Variants in DNAH7 observed in about 807,000 individuals in gnomAD.
DNAH7 encodes axonemal beta dynein heavy chain 7.
DNAH7 carries 397 observed loss-of-function variants against 444.6 expected under a neutral mutation model. The ratio of observed to expected loss-of-function variants is 0.89; its 90% CI spans 0.82 to 0.97. DNAH7 has a LOEUF of 0.97. Ranked by LOEUF, DNAH7 falls within the 50% of genes least tolerant of loss-of-function variation. DNAH7 has a pLI of 0.00. For missense variants in DNAH7, 4,902 were observed against 4,800.8 expected (o/e 1.02, Z -0.62); for synonymous variants, 1,636 against 1,624.4 (o/e 1.01, Z -0.17).
At chr2:196,024,147 A>G (rs2125769619) in intron 8 of DNAH7, among the ~76,000 whole-genome samples, 1 of 152,304 alleles carries the variant, frequency 6.6e-6, no homozygotes, top group Admixed American at 6.5e-5. Context: ...CAAAGTGAGC[A>G]CACACTGTTA....
chr2:195,855,912 TA>T lies in DNAH7; in HGVS notation c.8493del (p.Arg2832GlufsTer23). The T allele has an allele frequency of 6.2e-7, 1 of 1,614,088 alleles. No homozygotes were observed. Among genetic ancestry groups the T allele is most frequent in the Non-Finnish European group, 8.5e-7 (1 of 1,179,976 alleles). ...EGELKIAMDG[L>X]RKKQAALKEV... ...TCCTTAAGGGCTGCCTGCTTCTTTC[TA>T]AGACCATCCATGGCAATTTTAAGCT... On this transcript the variant is annotated frameshift_variant, in exon 45 of 65. Transcript: ENST00000312428. LOFTEE classifies it high-confidence loss of function.
Position 195,850,073 on chromosome 2 carries a change from A to G in DNAH7, c.8781+3270T>C, listed in dbSNP as rs145420778. 6.0e-4 allele frequency among the ~76,000 whole-genome samples: 92 copies of G among 152,334 alleles called. 2 individuals are homozygous for G. The Middle Eastern group carries it at 0.01, about 17-fold the overall frequency. On this transcript the variant is annotated intron_variant, in intron 46 of 64. Coordinates refer to ENST00000312428, the MANE Select transcript of DNAH7 (RefSeq NM_018897.3). ...AAGCAATAGTTTCTGCAGAATGCTC[A>G]GCTTAGAGTTGACAGGTATAGTATG...
intron 48 of DNAH7, 59 bp downstream of exon 48, chr2:195,834,147 G>A: frequency 6.6e-7 from 1 of 1,517,738 alleles, no homozygotes; most frequent in Non-Finnish European, 9.0e-7. Flanking sequence ...TACAGTTTTG[G>A]GTTAATTGTG....
intron 58 of DNAH7, among the ~76,000 whole-genome samples, chr2:195,781,170 C>T (rs1163478186): frequency 6.6e-6 from 1 of 152,126 alleles, no homozygotes; most frequent in East Asian, 1.9e-4. Context: ...CACACACTGC[C>T]TGGGCTTGCG....
intron 12 of DNAH7, among the ~76,000 whole-genome samples, chr2:195,996,100 A>G (rs1337512357): frequency 6.6e-6 from 1 of 152,224 alleles, no homozygotes; most frequent in Non-Finnish European, 1.5e-5. Context: ...CACTGTTGAC[A>G]GAAAATACAC....
At chr2:196,047,005 G>T (rs1035635529) in intron 5 of DNAH7, among the ~76,000 whole-genome samples, 3 of 152,050 alleles carry the variant, frequency 2.0e-5, no homozygotes, top group African/African-American at 7.2e-5. Flanking sequence ...TATACAAGGA[G>T]AATCACAATG....
At chr2:196,019,049 T>C in intron 9 of DNAH7, 121 bp downstream of exon 9, 1 of 1,068,408 alleles carries the variant, frequency 9.4e-7, no homozygotes, top group Non-Finnish European at 1.2e-6. Context: ...CATGTTTGAA[T>C]ACTTACATTA....
chr2:195,816,713 T>G lies in DNAH7; in HGVS notation c.9676A>C (p.Met3226Leu), dbSNP rs546440881. The change falls in exon 51 of 65, where the codon ATG becomes CTG. Residue 3226 changes from methionine (M) to leucine (L), a missense_variant. Met to Leu is a conservative substitution (Grantham distance 15). Transcript: ENST00000312428. ...AACCAGGTCAGTGAATACTGGTACA[T>G]GGGCTCAATGTTGGCTAAATCAGCA... ...SLADLANIEPMYQYSLTWFIN... is the reference protein window; with the variant it reads ...SLADLANIEPLYQYSLTWFIN... 1 of 1,614,154 alleles carries G rather than the reference T, an allele frequency of 6.2e-7. No homozygotes were observed. The highest frequency in any genetic ancestry group is 8.5e-7 in the Non-Finnish European group (1 of 1,179,992).
At position 195,900,263 on chromosome 2, in the gene DNAH7, G is replaced by C. The variant is rs1326709121; in HGVS notation, c.4548+19C>G. The C allele has an allele frequency of 2.5e-6, 4 of 1,611,706 alleles. No individual in the cohort carries two copies. The East Asian group carries it at 8.9e-5, about 36-fold the overall frequency. On this transcript the variant is annotated intron_variant, in intron 28 of 64. Coordinates refer to ENST00000312428, the MANE Select transcript of DNAH7 (RefSeq NM_018897.3). ...CTACAAATAGGAAATTTACAAGTAA[G>C]AAATATTGTGTTCTCTACCTTCAGA...
In DNAH7 at chr2:195,885,004, G is replaced by C. The variant is rs540597215; in HGVS notation, c.5539-195C>G. Among the ~76,000 whole-genome samples the C allele has an allele frequency of 1.3e-3, 192 of 152,246 alleles. 4 individuals carry two copies. Among genetic ancestry groups the C allele is most frequent in the Non-Finnish European group, 2.9e-5 (2 of 68,018 alleles). On this transcript the variant is annotated intron_variant, in intron 34 of 64. Coordinates refer to ENST00000312428, the MANE Select transcript of DNAH7 (RefSeq NM_018897.3). ...CAAATCGCATGCTTATAAAATCTTAGAGAAGATGATACAAAACAAAGTATA... is the reference window on the plus strand; with the variant it reads ...CAAATCGCATGCTTATAAAATCTTACAGAAGATGATACAAAACAAAGTATA...
intron 48 of DNAH7, among the ~76,000 whole-genome samples, chr2:195,833,858 G>A (rs1192922022): frequency 1.3e-5 from 2 of 151,890 alleles, no homozygotes; most frequent in Admixed American, 6.6e-5. Flanking sequence ...AGGTTCAAGC[G>A]ATTCTCCTGC....
intron 24 of DNAH7, among the ~76,000 whole-genome samples, chr2:195,918,977 G>T (rs867768043): frequency 3.3e-5 from 5 of 152,076 alleles, no homozygotes; most frequent in Non-Finnish European, 7.4e-5. Flanking sequence ...TGGGCCAGGC[G>T]CAGTGGTTCA....
chr2:195,972,259 ATTG>A lies in DNAH7; in HGVS notation c.2038_2040del (p.Gln680del). The A allele has an allele frequency of 1.1e-5, 18 of 1,613,544 alleles. No individual in the cohort carries two copies. The highest frequency in any genetic ancestry group is 2.2e-5 in the South Asian group (2 of 91,052). Reference sequence around the variant, plus strand: ...ATGCCAACCTTCAGACCTTCTTGATATTGTTCTATTTTCTCTTTAATGATTTTC... The same window carrying A: ...ATGCCAACCTTCAGACCTTCTTGATATTCTATTTTCTCTTTAATGATTTTC... On this transcript the variant is annotated inframe_deletion, in exon 16 of 65. Coordinates refer to ENST00000312428, the MANE Select transcript of DNAH7 (RefSeq NM_018897.3).
At chr2:195,785,438 G>GTAC (rs1695573219) in intron 58 of DNAH7, among the ~76,000 whole-genome samples, 1 of 152,130 alleles carries the variant, frequency 6.6e-6, no homozygotes, top group Non-Finnish European at 1.5e-5. Context: ...GTCGAAAGCA[G>GTAC]TAGTGAGAAA....
intron 17 of DNAH7, among the ~76,000 whole-genome samples, chr2:195,964,454 T>C (rs1359144158): frequency 6.6e-6 from 1 of 152,038 alleles, no homozygotes; most frequent in Non-Finnish European, 1.5e-5. Flanking sequence ...ACCTTTGGTA[T>C]ATATAAATGC....
chr2:195,791,766 G>A (rs1415165479), intron 57 of DNAH7, among the ~76,000 whole-genome samples: 1 of 152,198 alleles, frequency 6.6e-6, no homozygotes, highest in Non-Finnish European at 1.5e-5. Flanking sequence ...CATGGATGCA[G>A]CTGGAGGCCA....
intron 16 of DNAH7, among the ~76,000 whole-genome samples, chr2:195,971,355 G>A (rs188866301): frequency 9.0e-4 from 137 of 152,276 alleles, no homozygotes; most frequent in African/African-American, 3.1e-3. Context: ...GTCAGTCACT[G>A]TGCTGGGAAG....
intron 13 of DNAH7, among the ~76,000 whole-genome samples, chr2:195,987,538 G>A (rs1255073086): frequency 6.6e-6 from 1 of 151,952 alleles, no homozygotes; most frequent in Non-Finnish European, 1.5e-5. Flanking sequence ...GTTCATGGTA[G>A]AAAATTTAGA....
intron 46 of DNAH7, among the ~76,000 whole-genome samples, chr2:195,852,564 T>C (rs1001208267): frequency 6.6e-6 from 1 of 152,160 alleles, no homozygotes. Flanking sequence ...ATGACCCAGG[T>C]TGGATTCCAG....
Sources: gnomAD v4.1 joint callset for allele counts (sites outside exome capture counted in the v4.1 genomes callset) on GRCh38, gnomAD v4.1.1 for gene constraint, MANE v1.5 for transcripts, NCBI Gene and HGNC (gene_info 2026-07-23, HGNC 2026-07-21) for gene names.